Variants in SEMA3A observed in about 807,000 individuals in gnomAD.
The protein encoded by SEMA3A is semaphorin 3A.
In SEMA3A, 29 loss-of-function variants were observed where a neutral mutation model predicts 97.9. The ratio of observed to expected loss-of-function variants is 0.30; its 90% CI spans 0.22 to 0.40. The LOEUF is 0.40. Ranked by LOEUF, SEMA3A falls within the 10% of genes least tolerant of loss-of-function variation. SEMA3A has a pLI of 1.00. For synonymous variants in SEMA3A, 321 were observed against 323.7 expected (o/e 0.99, Z 0.09); for missense variants, 763 against 951.3 (o/e 0.80, Z 2.60).
intron 4 of SEMA3A, among the ~76,000 whole-genome samples, chr7:84,104,566 T>C (rs558160870): frequency 1.3e-5 from 2 of 152,302 alleles, no homozygotes; most frequent in East Asian, 3.9e-4. Context: ...TATAAAATGC[T>C]CAATTGAAAT....
rs527697674 is a variant in SEMA3A at position 84,118,257 on chromosome 7, T to C, written c.334-7668A>G. Among the ~76,000 whole-genome samples the C allele has an allele frequency of 2.0e-5, 3 of 152,340 alleles. No homozygotes were observed. The East Asian group carries it at 5.8e-4, about 29-fold the overall frequency. On this transcript the variant is annotated intron_variant, in intron 3 of 16. Coordinates refer to ENST00000265362, the MANE Select transcript of SEMA3A (RefSeq NM_006080.3). Reference sequence around the variant, plus strand: ...TCTGGCAGTGAAGACTTATAAATTATAATCACTCTTGTTATCAAAGCAGTA... The same window carrying C: ...TCTGGCAGTGAAGACTTATAAATTACAATCACTCTTGTTATCAAAGCAGTA...
chr7:84,169,331 T>C (rs1170389441), intron 1 of SEMA3A, among the ~76,000 whole-genome samples: 1 of 151,114 alleles, frequency 6.6e-6, no homozygotes, highest in East Asian at 1.9e-4. Context: ...ATTTCATAAT[T>C]AATAAAATTA....
At chr7:84,264,453 G>T (rs575980398) in intron 3 of SEMA3A, among the ~76,000 whole-genome samples, 15 of 152,222 alleles carry the variant, frequency 9.9e-5, no homozygotes, top group Admixed American at 9.2e-4. Context: ...TACTTCTGCG[G>T]TTTTTTTCTG....
chr7:84,376,552 C>T (rs1367745361), intron 1 of SEMA3A, among the ~76,000 whole-genome samples: 18 of 96,920 alleles, frequency 1.9e-4, no homozygotes, highest in East Asian at 9.9e-4. Flanking sequence ...TGCAGTGAGC[C>T]GAGATCGCGC....
At chr7:84,162,529 CTCTGAT>C (rs775748256) in intron 1 of SEMA3A, among the ~76,000 whole-genome samples, 15 of 151,968 alleles carry the variant, frequency 9.9e-5, no homozygotes, top group Admixed American at 4.6e-4. Flanking sequence ...TGAAGGATGA[CTCTGAT>C]TCTAAGTACA....
At chr7:84,107,244 T>C (rs1364179460) in intron 4 of SEMA3A, among the ~76,000 whole-genome samples, 1 of 152,170 alleles carries the variant, frequency 6.6e-6, no homozygotes, top group Non-Finnish European at 1.5e-5. Context: ...GCATAACAGT[T>C]TAAATCCAAA....
intron 3 of SEMA3A, among the ~76,000 whole-genome samples, chr7:84,210,735 C>CA (rs1798605924): frequency 6.8e-6 from 1 of 146,740 alleles, no homozygotes. Context: ...TTTCTTTTTT[C>CA]TTTTTTTTTT....
At chr7:84,029,847 AAGT>A (rs1462524378) in intron 6 of SEMA3A, among the ~76,000 whole-genome samples, 1 of 151,116 alleles carries the variant, frequency 6.6e-6, no homozygotes, top group Non-Finnish European at 1.5e-5. Flanking sequence ...ACATTTTAGA[AAGT>A]AGTAATTTGG....
At chr7:84,188,195 A>G (rs1797940560) in intron 1 of SEMA3A, among the ~76,000 whole-genome samples, 2 of 152,058 alleles carry the variant, frequency 1.3e-5, no homozygotes, top group Admixed American at 6.6e-5. Context: ...CTAAGCTTGT[A>G]AAAACTCCCA....
rs1790479431 is a variant in SEMA3A, at chr7:84,002,118, T to C, written c.1361-72A>G. The C allele has an allele frequency of 8.3e-6, 7 of 847,130 alleles. No individual in the cohort carries two copies. In the South Asian group the frequency reaches 9.8e-5, roughly 12 times the overall value. 52.5% of individuals were successfully genotyped at this position (847,130 alleles called of 1,614,324 possible). On this transcript the variant is annotated intron_variant, in intron 11 of 16. Transcript: ENST00000265362. The stretch of plus-strand genomic sequence containing the variant: ...CAGAGATTAGTGTTAATGAATGAAA[T>C]ATGTATTTGTCAGACAAAGAACCTT...
intron 3 of SEMA3A, among the ~76,000 whole-genome samples, chr7:84,296,922 T>C (rs899982776): frequency 6.6e-6 from 1 of 152,204 alleles, no homozygotes; most frequent in Non-Finnish European, 1.5e-5. Context: ...AATTTTGTCA[T>C]AGTATTCAGT....
intron 9 of SEMA3A, among the ~76,000 whole-genome samples, chr7:84,008,096 G>A (rs1252699723): frequency 6.6e-6 from 1 of 152,078 alleles, no homozygotes; most frequent in Non-Finnish European, 1.5e-5. Context: ...CAGTTAAAGT[G>A]GAGAATTACA....
chr7:84,129,059 T>C lies in SEMA3A; in HGVS notation c.333+64A>G. 3 of 1,270,772 alleles carry C rather than the reference T, an allele frequency of 2.4e-6. No homozygotes were observed. The African/African-American group carries it at 4.4e-5, about 19-fold the overall frequency. 78.7% of individuals were successfully genotyped at this position (1,270,772 alleles called of 1,614,324 possible). A position where few individuals can be genotyped will look rare whatever the true frequency, so the allele number is the denominator to read the frequency against. ...AAAAATCAGAAATTTGAAACACTTTTGTCCCAAGCATTTTGAATGAAGGAT... is the reference window on the plus strand; with the variant it reads ...AAAAATCAGAAATTTGAAACACTTTCGTCCCAAGCATTTTGAATGAAGGAT... On this transcript the variant is annotated intron_variant, in intron 3 of 16. Transcript: ENST00000265362.
At chr7:84,379,827 G>A (rs1378162294) in intron 1 of SEMA3A, among the ~76,000 whole-genome samples, 1 of 152,162 alleles carries the variant, frequency 6.6e-6, no homozygotes, top group Non-Finnish European at 1.5e-5. Context: ...ACTGCTTACA[G>A]TATTTTTCAA....
chr7:84,460,852 T>C (rs1441345125), intron 1 of SEMA3A, among the ~76,000 whole-genome samples: 4 of 152,182 alleles, frequency 2.6e-5, no homozygotes, highest in Non-Finnish European at 2.9e-5. Flanking sequence ...TCAGGTGTTA[T>C]TTTGTGACTA....
Position 83,995,273 on chromosome 7 carries a change from C to A in SEMA3A, c.1452+6682G>T, listed in dbSNP as rs147270472. On this transcript the variant is annotated intron_variant, in intron 12 of 16. Transcript: ENST00000265362. ...CAGATGGAAATGCAGAAATCACTGTCTTCTGCGTCGCTCACTCTGGGAGCT... is the reference window on the plus strand; with the variant it reads ...CAGATGGAAATGCAGAAATCACTGTATTCTGCGTCGCTCACTCTGGGAGCT... Among the ~76,000 whole-genome samples the A allele has an allele frequency of 4.0e-3, 614 of 152,228 alleles. 6 individuals are homozygous for A. The highest frequency in any genetic ancestry group is 0.014 in the African/African-American group (591 of 41,540).
chr7:83,976,045 C>A (rs1789137519), intron 15 of SEMA3A, among the ~76,000 whole-genome samples: 1 of 152,048 alleles, frequency 6.6e-6, no homozygotes, highest in Non-Finnish European at 1.5e-5. Flanking sequence ...CAAAGTGGTT[C>A]CGAAACACTG....
At chr7:84,485,619 C>G (rs1197591055) in intron 1 of SEMA3A, among the ~76,000 whole-genome samples, 1 of 152,100 alleles carries the variant, frequency 6.6e-6, no homozygotes, top group Non-Finnish European at 1.5e-5. Context: ...TAGCAATCCT[C>G]CTATCTAGGC....
At chr7:84,149,183 G>T (rs761215671) in intron 1 of SEMA3A, among the ~76,000 whole-genome samples, 27 of 152,264 alleles carry the variant, frequency 1.8e-4, no homozygotes, top group South Asian at 6.2e-4. Flanking sequence ...AAAACTATCT[G>T]AAAGTATTAA....
Sources: allele counts gnomAD v4.1 joint callset (sites outside exome capture counted in the v4.1 genomes callset), GRCh38; gene constraint gnomAD v4.1.1; transcripts MANE v1.5; gene names NCBI Gene and HGNC (gene_info 2026-07-23, HGNC 2026-07-21).